The following RGS6 variants were observed in gnomAD, a reference collection of about 807,000 sequenced individuals.
RGS6 encodes regulator of G-protein signaling 6.
A neutral mutation model predicts 78.5 loss-of-function variants in RGS6; 30 were observed. The ratio of observed to expected loss-of-function variants is 0.38; its 90% CI spans 0.29 to 0.52. The LOEUF (loss-of-function observed/expected upper bound fraction) is 0.52, where lower values mean the gene tolerates loss of function less well. Ranked by LOEUF, RGS6 falls within the 20% of genes least tolerant of loss-of-function variation. The pLI is 0.85. For synonymous variants in RGS6, 206 were observed against 206.0 expected (o/e 1.00, Z 0.00); for missense variants, 495 against 609.7 (o/e 0.81, Z 1.98).
At chr14:71,983,856 T>A (rs1363490094) in intron 2 of RGS6, among the ~76,000 whole-genome samples, 1 of 152,232 alleles carries the variant, frequency 6.6e-6, no homozygotes, top group East Asian at 1.9e-4. Context: ...CACAACTCAA[T>A]CCACAACAAT....
intron 2 of RGS6, among the ~76,000 whole-genome samples, chr14:72,289,720 T>C (rs2063237749): frequency 6.6e-6 from 1 of 152,218 alleles, no homozygotes; most frequent in Non-Finnish European, 1.5e-5. Context: ...GCATTCTTTA[T>C]AGAGCTAAAT....
chr14:72,408,191 G>C (rs1566762181), intron 3 of RGS6, among the ~76,000 whole-genome samples: 1 of 152,200 alleles, frequency 6.6e-6, no homozygotes. Flanking sequence ...ATCTTCTGAA[G>C]ACTGACTTGC....
At chr14:71,967,189 G>GTGTA (rs1288609367) in intron 2 of RGS6, among the ~76,000 whole-genome samples, 8 of 145,798 alleles carry the variant, frequency 5.5e-5, no homozygotes, top group Admixed American at 4.8e-4. Context: ...TGTGTAAAGA[G>GTGTA]TATATATATA....
At chr14:72,617,495 A>C in the RGS6 span, among the ~76,000 whole-genome samples, 1 of 152,140 alleles carries the variant, frequency 6.6e-6, no homozygotes, top group African/African-American at 2.4e-5. Flanking sequence ...GAAATTACTT[A>C]TGAGGAAGAT....
chr14:71,974,429 G>T (rs1286093328), intron 2 of RGS6, among the ~76,000 whole-genome samples: 1 of 152,116 alleles, frequency 6.6e-6, no homozygotes, highest in Non-Finnish European at 1.5e-5. Context: ...CACTCCAAAA[G>T]AATAGTGATA....
intron 3 of RGS6, among the ~76,000 whole-genome samples, chr14:72,357,451 ATGACTT>A (rs2080559134): frequency 6.6e-6 from 1 of 152,168 alleles, no homozygotes; most frequent in South Asian, 2.1e-4. Flanking sequence ...GACCTGTTGA[ATGACTT>A]TGACCAAAAT....
At chr14:72,171,136 A>G (rs1296911169) in intron 2 of RGS6, among the ~76,000 whole-genome samples, 1 of 146,138 alleles carries the variant, frequency 6.8e-6, no homozygotes, top group African/African-American at 2.8e-5. Flanking sequence ...GCATGCACAC[A>G]CATACATGCA....
At chr14:72,387,471 C>T (rs2088535584) in intron 3 of RGS6, among the ~76,000 whole-genome samples, 1 of 151,874 alleles carries the variant, frequency 6.6e-6, no homozygotes, top group African/African-American at 2.4e-5. Context: ...ATGGCGTGAA[C>T]CCAGGAGGCA....
intron 2 of RGS6, among the ~76,000 whole-genome samples, chr14:72,236,933 C>G (rs1164767649): frequency 1.3e-5 from 2 of 152,198 alleles, no homozygotes; most frequent in African/African-American, 4.8e-5. Context: ...TTCTTACCAC[C>G]CAGAATGGTG....
intron 2 of RGS6, among the ~76,000 whole-genome samples, chr14:72,344,821 A>G (rs2681728): frequency 0.6 from 91,027 of 152,044 alleles, 29,245 homozygotes; most frequent in African/African-American, 0.84. Flanking sequence ...TTAAATGGTC[A>G]TATTTTCCCT....
chr14:72,543,763 A>G (rs2097356177), intron 17 of RGS6, among the ~76,000 whole-genome samples: 1 of 152,238 alleles, frequency 6.6e-6, no homozygotes, highest in African/African-American at 2.4e-5. Context: ...TTCTTGAGAC[A>G]GAGTCTCACT....
intron 2 of RGS6, among the ~76,000 whole-genome samples, chr14:72,280,814 C>T (rs535592890): frequency 6.6e-6 from 1 of 152,330 alleles, no homozygotes; most frequent in Admixed American, 6.5e-5. Flanking sequence ...AAAGGTGAGA[C>T]TGAGTCCAGG....
At chr14:72,138,504 C>CAGAAGAT (rs2096487011) in intron 2 of RGS6, among the ~76,000 whole-genome samples, 1 of 128,846 alleles carries the variant, frequency 7.8e-6, no homozygotes, top group South Asian at 2.6e-4. Context: ...TCTTCTATCT[C>CAGAAGAT]AGAAGATAGA....
At chr14:71,896,574 A>G in the RGS6 span, among the ~76,000 whole-genome samples, 1 of 152,156 alleles carries the variant, frequency 6.6e-6, no homozygotes, top group Non-Finnish European at 1.5e-5. Context: ...GGTGACTTAG[A>G]ATGCCTTAGC....
rs200294654 is a variant in RGS6 at position 72,249,004 on chromosome 14, GA to G, written c.85-103084del. ...CTGATAAAACTTATTTCTGTAGGGG[GA>G]AAAAAATAATCTTCTCCTTCACTCT... On this transcript the variant is annotated intron_variant, in intron 2 of 17. Transcript: ENST00000553525. Among the ~76,000 whole-genome samples the G allele has an allele frequency of 3.8e-3, 573 of 152,130 alleles. 4 individuals are homozygous for G. Among genetic ancestry groups the G allele is most frequent in the African/African-American group, 0.013 (545 of 41,516 alleles).
intron 2 of RGS6, among the ~76,000 whole-genome samples, chr14:72,247,898 C>A (rs759603863): frequency 6.6e-6 from 1 of 152,168 alleles, no homozygotes; most frequent in Non-Finnish European, 1.5e-5. Context: ...TTCCCAGCCT[C>A]CAGAACTATA....
At chr14:72,629,261 T>A in the RGS6 span, among the ~76,000 whole-genome samples, 6 of 152,230 alleles carry the variant, frequency 3.9e-5, no homozygotes, top group African/African-American at 1.4e-4. Flanking sequence ...CGTGTACTGA[T>A]CTTTGTCGAA....
At position 71,936,014 on chromosome 14, in the gene RGS6, G is replaced by GGA. The variant is rs1555390316; in HGVS notation, c.-21+3074_-21+3075dup. Among the ~76,000 whole-genome samples the GGA allele has an allele frequency of 6.8e-3, 73 of 10,702 alleles. 1 individual carries two copies. The highest frequency in any genetic ancestry group is 0.013 in the African/African-American group (65 of 4,818). The allele number at this position is 10,702 out of a possible 152,430, so 7.0% of individuals were successfully genotyped here. On this transcript the variant is annotated intron_variant, in intron 1 of 17. Transcript: ENST00000553525. ...TTCTCTTAGAGGGACAGAACTAATA[G>GGA]GATATATATATATATATATATATAT...
chr14:72,436,472 C>T (rs1380879509), intron 3 of RGS6, among the ~76,000 whole-genome samples: 1 of 152,142 alleles, frequency 6.6e-6, no homozygotes, highest in African/African-American at 2.4e-5. Flanking sequence ...ATCAGTTCAG[C>T]CTCTGGCTCT....
Sources: gnomAD v4.1 joint callset for allele counts (sites outside exome capture counted in the v4.1 genomes callset) on GRCh38, gnomAD v4.1.1 for gene constraint, MANE v1.5 for transcripts, NCBI Gene and HGNC (gene_info 2026-07-23, HGNC 2026-07-21) for gene names.